The following KCNMA1 variants were observed in gnomAD, a reference collection of about 807,000 sequenced individuals.
KCNMA1 encodes potassium calcium-activated channel subfamily M alpha 1.
A neutral mutation model predicts 140.0 loss-of-function variants in KCNMA1; 29 were observed. The ratio of observed to expected loss-of-function variants is 0.21; its 90% confidence interval spans 0.15 to 0.28. The LOEUF (loss-of-function observed/expected upper bound fraction) is 0.28, where lower values mean the gene tolerates loss of function less well. KCNMA1 is among the 10% of genes least tolerant of loss of function. KCNMA1 has a pLI of 1.00. For synonymous variants in KCNMA1, 612 were observed against 611.9 expected (o/e 1.00, Z 0.00); for missense variants, 880 against 1,602.2 (o/e 0.55, Z 7.70).
intron 19 of KCNMA1, among the ~76,000 whole-genome samples, chr10:77,000,236 A>G (rs2085772841): frequency 6.6e-6 from 1 of 152,218 alleles, no homozygotes; most frequent in Admixed American, 6.5e-5. Context: ...GAAGGGAGGA[A>G]GTGCAGAAAC....
At chr10:76,956,143 A>G in intron 20 of KCNMA1, among the ~76,000 whole-genome samples, 1 of 152,222 alleles carries the variant, frequency 6.6e-6, no homozygotes, top group East Asian at 1.9e-4. Context: ...GGTATACTTG[A>G]TTCTTTCTGG....
At chr10:76,977,942 C>A (rs570672557) in intron 19 of KCNMA1, 3 of 375,344 alleles carry the variant, frequency 8.0e-6, no homozygotes, top group Non-Finnish European at 1.5e-5. Flanking sequence ...GCGAGAGCCC[C>A]GTACAAGACA....
intron 1 of KCNMA1, chr10:77,586,456 T>A (rs546669731): frequency 6.6e-6 from 1 of 152,348 alleles, no homozygotes; most frequent in Non-Finnish European, 1.5e-5. Flanking sequence ...TAGGTAGTAA[T>A]TTCTGTTTCA....
intron 13 of KCNMA1, among the ~76,000 whole-genome samples, chr10:77,075,674 G>C (rs1399535055): frequency 1.3e-5 from 2 of 152,170 alleles, no homozygotes; most frequent in Admixed American, 6.5e-5. Context: ...AGTTGAGTTT[G>C]TTCCTTATCT....
At chr10:77,233,557 G>A (rs185849847) in intron 3 of KCNMA1, among the ~76,000 whole-genome samples, 13 of 152,248 alleles carry the variant, frequency 8.5e-5, no homozygotes, top group South Asian at 8.3e-4. Context: ...ACTGTTTATC[G>A]TGAATGCAGA....
intron 5 of KCNMA1, among the ~76,000 whole-genome samples, chr10:77,144,918 C>T (rs2098259282): frequency 6.6e-6 from 1 of 152,202 alleles, no homozygotes; most frequent in Non-Finnish European, 1.5e-5. Context: ...ATTATGACAT[C>T]TACTTCACAG....
chr10:76,952,127 C>T (rs746299806), intron 21 of KCNMA1: 142 of 1,551,902 alleles, frequency 9.2e-5, no homozygotes, highest in Admixed American at 1.2e-4. Flanking sequence ...TCATTAAAAC[C>T]CTAGGTCCCA....
intron 20 of KCNMA1, among the ~76,000 whole-genome samples, chr10:76,954,216 G>T (rs1406377636): frequency 1.3e-5 from 2 of 151,500 alleles, no homozygotes; most frequent in Non-Finnish European, 2.9e-5. Flanking sequence ...CCTTTTTAAG[G>T]CTACCTCACT....
intron 2 of KCNMA1, among the ~76,000 whole-genome samples, chr10:77,305,321 A>G (rs556342732): frequency 6.6e-6 from 1 of 152,346 alleles, no homozygotes; most frequent in South Asian, 2.1e-4. Flanking sequence ...CATTTTGAGT[A>G]CCAAATGCTT....
At chr10:76,903,007 C>T (rs1182365248) in intron 25 of KCNMA1, 5 of 152,170 alleles carry the variant, frequency 3.3e-5, no homozygotes, top group African/African-American at 1.2e-4. Context: ...AAGGGTGGCC[C>T]GCTTGGCCTC....
chr10:76,923,442 A>G lies in KCNMA1; in HGVS notation c.2903-8393T>C, dbSNP rs537767807. On this transcript the variant is annotated intron_variant, in intron 23 of 27. Coordinates refer to ENST00000286628, the MANE Select transcript of KCNMA1 (RefSeq NM_001161352.2). ...AGACTCCGTCTCAAAAAAAAAAAAAAAAAGAAAAAAAGAATTCGCTTAAAG... is the reference window on the plus strand; with the variant it reads ...AGACTCCGTCTCAAAAAAAAAAAAAGAAAGAAAAAAAGAATTCGCTTAAAG... Among the ~76,000 whole-genome samples the G allele has an allele frequency of 2.2e-4, 34 of 152,196 alleles. No homozygotes were observed. The East Asian group carries it at 6.0e-3, about 27-fold the overall frequency.
chr10:76,895,085 A>G (rs1468862195), intron 25 of KCNMA1, among the ~76,000 whole-genome samples: 1 of 152,218 alleles, frequency 6.6e-6, no homozygotes, highest in Non-Finnish European at 1.5e-5. Flanking sequence ...TGTATAGAAA[A>G]GCACTGTGAA....
intron 1 of KCNMA1, among the ~76,000 whole-genome samples, chr10:77,447,175 G>A (rs1289081490): frequency 1.3e-5 from 2 of 152,188 alleles, no homozygotes; most frequent in Non-Finnish European, 2.9e-5. Context: ...AGTGAGGTGG[G>A]GTACAGAAGC....
At chr10:77,297,655 T>C (rs188848836) in intron 2 of KCNMA1, among the ~76,000 whole-genome samples, 35 of 152,256 alleles carry the variant, frequency 2.3e-4, no homozygotes, top group Non-Finnish European at 4.3e-4. Flanking sequence ...GCATAATTAA[T>C]GTGACTACTC....
intron 13 of KCNMA1, among the ~76,000 whole-genome samples, chr10:77,078,762 G>C (rs1239522586): frequency 6.6e-6 from 1 of 152,190 alleles, no homozygotes; most frequent in African/African-American, 2.4e-5. Flanking sequence ...CAGGGAGAGT[G>C]CTAATCACAC....
chr10:77,375,241 T>C (rs1566378617), intron 2 of KCNMA1, among the ~76,000 whole-genome samples: 1 of 152,146 alleles, frequency 6.6e-6, no homozygotes, highest in Non-Finnish European at 1.5e-5. Context: ...ACACCCACAA[T>C]GGTCCTGCTC....
At chr10:77,465,809 C>A (rs1291462460) in intron 1 of KCNMA1, among the ~76,000 whole-genome samples, 1 of 152,180 alleles carries the variant, frequency 6.6e-6, no homozygotes, top group Non-Finnish European at 1.5e-5. Flanking sequence ...CATCCTTCAG[C>A]CCAAGGCTGC....
chr10:77,499,410 T>C (rs1048178658), intron 1 of KCNMA1, among the ~76,000 whole-genome samples: 21 of 143,386 alleles, frequency 1.5e-4, no homozygotes, highest in South Asian at 1.3e-3. Flanking sequence ...CATGTATATA[T>C]ATATATATAT....
chr10:77,505,087 G>A (rs1409890178), intron 1 of KCNMA1, among the ~76,000 whole-genome samples: 1 of 152,166 alleles, frequency 6.6e-6, no homozygotes, highest in African/African-American at 2.4e-5. Flanking sequence ...TGGCGGCTGA[G>A]TCAGCAGCTC....
Sources: gnomAD v4.1 joint callset for allele counts (sites outside exome capture counted in the v4.1 genomes callset) on GRCh38, gnomAD v4.1.1 for gene constraint, MANE v1.5 for transcripts, NCBI Gene and HGNC (gene_info 2026-07-23, HGNC 2026-07-21) for gene names.